CTNNA3: variants seen among roughly 807,000 people sequenced by gnomAD.
CTNNA3 encodes catenin alpha 3, also known as catenin alpha-3.
A neutral mutation model predicts 95.7 loss-of-function variants in CTNNA3; 76 were observed. That is an observed-to-expected ratio of 0.79 (90% CI 0.66 to 0.96). The LOEUF is 0.96. Among genes scored for constraint, CTNNA3 ranks in the 40% least tolerant of loss-of-function variants. The probability of loss-of-function intolerance (pLI) is 0.00; values close to 1 mark genes in which losing one functional copy is unlikely to be tolerated. For synonymous variants in CTNNA3, 431 were observed against 374.4 expected (o/e 1.15, Z -1.74); for missense variants, 1,191 against 1,089.8 (o/e 1.09, Z -1.31).
At chr10:66,149,288 T>A (rs911268741) in intron 13 of CTNNA3, among the ~76,000 whole-genome samples, 1 of 149,520 alleles carries the variant, frequency 6.7e-6, no homozygotes, top group Non-Finnish European at 1.5e-5. Context: ...TATATGCATA[T>A]GTATATTTAA....
At chr10:67,308,459 G>C (rs1017046963) in intron 5 of CTNNA3, among the ~76,000 whole-genome samples, 1 of 152,136 alleles carries the variant, frequency 6.6e-6, no homozygotes, top group African/African-American at 2.4e-5. Context: ...TGCCATGATT[G>C]TAAGACTTCC....
intron 1 of CTNNA3, among the ~76,000 whole-genome samples, chr10:67,704,454 G>C (rs909973427): frequency 1.3e-5 from 2 of 152,108 alleles, no homozygotes; most frequent in African/African-American, 4.8e-5. Context: ...ACAGACCAGA[G>C]CCCTCAGAAA....
intron 2 of CTNNA3, among the ~76,000 whole-genome samples, chr10:67,621,755 A>AG (rs1843853193): frequency 1.4e-5 from 2 of 145,082 alleles, no homozygotes; most frequent in African/African-American, 2.6e-5. Flanking sequence ...TCTCAAAAAA[A>AG]AAAAAAAGAA....
intron 7 of CTNNA3, among the ~76,000 whole-genome samples, chr10:67,097,317 CT>C (rs1188838658): frequency 2.0e-5 from 3 of 151,834 alleles, no homozygotes; most frequent in Non-Finnish European, 4.4e-5. Context: ...TCCAATAAAT[CT>C]TTTATCATTT....
At chr10:67,657,177 C>G (rs748097168) in intron 1 of CTNNA3, among the ~76,000 whole-genome samples, 11 of 152,014 alleles carry the variant, frequency 7.2e-5, no homozygotes, top group Admixed American at 3.3e-4. Context: ...CGATCTGGAG[C>G]AACTGGAAGG....
intron 7 of CTNNA3, among the ~76,000 whole-genome samples, chr10:67,107,774 A>G (rs1858723845): frequency 6.6e-6 from 1 of 152,220 alleles, no homozygotes; most frequent in African/African-American, 2.4e-5. Flanking sequence ...AACTCCAAAC[A>G]GGTCTGCACA....
chr10:65,938,123 T>G (rs2077371495), intron 17 of CTNNA3, among the ~76,000 whole-genome samples: 1 of 152,194 alleles, frequency 6.6e-6, no homozygotes, highest in Non-Finnish European at 1.5e-5. Context: ...ATGAGTATGT[T>G]GAAGCTGAGG....
chr10:66,650,809 G>C (rs540968609), intron 9 of CTNNA3, among the ~76,000 whole-genome samples: 2 of 152,120 alleles, frequency 1.3e-5, no homozygotes, highest in East Asian at 1.9e-4. Flanking sequence ...GGCTTCAGGA[G>C]TGAAGCTGCA....
rs191823705 is a variant in CTNNA3, at chr10:66,033,357, G to A, written c.2159+35951C>T. ...TCACCATGTTAGCCGGGATGATCTC[G>A]ATCTCCTGACCTCGTGGTCTGCCCG... On this transcript the variant is annotated intron_variant, in intron 15 of 17. Transcript: ENST00000433211. Among the ~76,000 whole-genome samples the A allele has an allele frequency of 8.3e-3, 1,260 of 151,714 alleles. 13 individuals are homozygous for A. Among genetic ancestry groups the A allele is most frequent in the African/African-American group, 0.029 (1,194 of 41,370 alleles).
chr10:67,498,955 G>C (rs570760614), intron 5 of CTNNA3, among the ~76,000 whole-genome samples: 1 of 152,282 alleles, frequency 6.6e-6, no homozygotes, highest in African/African-American at 2.4e-5. Flanking sequence ...GCCCTGGCCA[G>C]AACTTCCAAT....
chr10:66,442,939 A>T (rs777467169), intron 11 of CTNNA3, among the ~76,000 whole-genome samples: 1 of 152,174 alleles, frequency 6.6e-6, no homozygotes, highest in Non-Finnish European at 1.5e-5. Flanking sequence ...TCACGTGGAA[A>T]ATCAGGTCAC....
intron 7 of CTNNA3, among the ~76,000 whole-genome samples, chr10:66,958,822 G>T (rs918979371): frequency 1.3e-5 from 2 of 152,078 alleles, no homozygotes; most frequent in African/African-American, 4.8e-5. Flanking sequence ...AAGAAGGAAA[G>T]GAATTAAAAT....
chr10:67,200,341 A>C (rs1863589341), intron 6 of CTNNA3, among the ~76,000 whole-genome samples: 1 of 152,186 alleles, frequency 6.6e-6, no homozygotes, highest in South Asian at 2.1e-4. Flanking sequence ...ACTATTGATA[A>C]AAAGAGAAGA....
At chr10:66,198,404 A>T (rs1366472231) in intron 13 of CTNNA3, among the ~76,000 whole-genome samples, 1 of 152,162 alleles carries the variant, frequency 6.6e-6, no homozygotes, top group Non-Finnish European at 1.5e-5. Flanking sequence ...AATCTACCTG[A>T]TTAATTTGGT....
At position 66,097,250 on chromosome 10, in the gene CTNNA3, A is replaced by C. The variant is rs1174358575; in HGVS notation, c.1977+5907T>G. 2.6e-5 allele frequency among the ~76,000 whole-genome samples: 4 copies of C among 152,156 alleles called. No individual in the cohort carries two copies. In the East Asian group the frequency reaches 7.7e-4, roughly 29 times the overall value. ...CTTAGTACCATGAAACAGGAAACCAAGTAGTCCCATATCAGGAGTCAGAGA... is the reference window on the plus strand; with the variant it reads ...CTTAGTACCATGAAACAGGAAACCACGTAGTCCCATATCAGGAGTCAGAGA... On this transcript the variant is annotated intron_variant, in intron 14 of 17. Transcript: ENST00000433211.
At chr10:66,139,642 T>C (rs1257999409) in intron 13 of CTNNA3, among the ~76,000 whole-genome samples, 1 of 152,160 alleles carries the variant, frequency 6.6e-6, no homozygotes, top group Non-Finnish European at 1.5e-5. Context: ...TTTATAAAAA[T>C]ATTCAAATTA....
At position 66,333,790 on chromosome 10, in the gene CTNNA3, C is replaced by T. The variant is rs574193700; in HGVS notation, c.1732+45362G>A. Among the ~76,000 whole-genome samples, 5 of 151,306 alleles carry T rather than the reference C, an allele frequency of 3.3e-5. No individual in the cohort carries two copies. In the East Asian group the frequency reaches 9.7e-4, roughly 29 times the overall value. On this transcript the variant is annotated intron_variant, in intron 12 of 17. Coordinates refer to ENST00000433211, the MANE Select transcript of CTNNA3 (RefSeq NM_013266.4). ...TTCAATTCCTGGATATCCTTGTTAA[C>T]TTTCTGTCTCGTTGATCTGTCTAAT...
At chr10:66,193,248 G>GT (rs1329402616) in intron 13 of CTNNA3, among the ~76,000 whole-genome samples, 7 of 152,204 alleles carry the variant, frequency 4.6e-5, no homozygotes, top group East Asian at 1.9e-4. Flanking sequence ...AAACCTTCAG[G>GT]TTTTTTCTGG....
intron 5 of CTNNA3, among the ~76,000 whole-genome samples, chr10:67,476,017 C>T (rs1847995981): frequency 6.6e-6 from 1 of 152,096 alleles, no homozygotes; most frequent in Admixed American, 6.5e-5. Flanking sequence ...AGGATGATAG[C>T]CAGAGGATTG....
Sources: gnomAD v4.1 joint callset for allele counts (sites outside exome capture counted in the v4.1 genomes callset) on GRCh38, gnomAD v4.1.1 for gene constraint, MANE v1.5 for transcripts, NCBI Gene and HGNC (gene_info 2026-07-23, HGNC 2026-07-21) for gene names.